Variants in TTC27 observed in about 807,000 individuals in gnomAD.
TTC27 encodes tetratricopeptide repeat domain 27, also known as tetratricopeptide repeat protein 27.
In TTC27, 79 loss-of-function variants were observed where a neutral mutation model predicts 115.9. That is an observed-to-expected ratio of 0.68 (90% confidence interval 0.57 to 0.82). The LOEUF is 0.82. Ranked by LOEUF, TTC27 falls within the 40% of genes least tolerant of loss-of-function variation. TTC27 has a pLI of 0.00. For synonymous variants in TTC27, 401 were observed against 356.0 expected (o/e 1.13, Z -1.42); for missense variants, 1,054 against 993.1 (o/e 1.06, Z -0.82).
rs912308067 is a variant in TTC27 at position 32,685,420 on chromosome 2, T to A, written c.1119+6498T>A. Among the ~76,000 whole-genome samples the A allele has an allele frequency of 4.6e-5, 7 of 152,160 alleles. No individual in the cohort carries two copies. In the South Asian group the frequency reaches 8.3e-4, roughly 18 times the overall value. On this transcript the variant is annotated intron_variant, in intron 9 of 19. Coordinates refer to ENST00000317907, the MANE Select transcript of TTC27 (RefSeq NM_017735.5). ...TTCTACAGTTAACCATGTCTTGAGG[T>A]TAATGCTTATTAGAATTTCCCTTCT...
chr2:32,766,643 C>A, intron 13 of TTC27: 1 of 160,588 alleles, frequency 6.2e-6, no homozygotes, highest in Non-Finnish European at 1.4e-5. Flanking sequence ...ATCACCATAA[C>A]AAATGTAATA....
chr2:32,642,172 T>C (rs1304952790), intron 4 of TTC27, among the ~76,000 whole-genome samples: 1 of 151,782 alleles, frequency 6.6e-6, no homozygotes, highest in Non-Finnish European at 1.5e-5. Flanking sequence ...ATCACAATAT[T>C]TCTATAGGTC....
At chr2:32,727,550 A>C (rs1668151999) in intron 10 of TTC27, among the ~76,000 whole-genome samples, 1 of 152,178 alleles carries the variant, frequency 6.6e-6, no homozygotes, top group South Asian at 2.1e-4. Context: ...AAAGCTACTA[A>C]CATACTCTTT....
intron 12 of TTC27, among the ~76,000 whole-genome samples, chr2:32,755,971 T>C (rs1572581360): frequency 6.6e-6 from 1 of 152,360 alleles, no homozygotes; most frequent in East Asian, 1.9e-4. Flanking sequence ...TAAGTAATTC[T>C]TTCATCATGG....
At chr2:32,724,376 G>C (rs984342110) in intron 10 of TTC27, among the ~76,000 whole-genome samples, 1 of 152,190 alleles carries the variant, frequency 6.6e-6, no homozygotes, top group Non-Finnish European at 1.5e-5. Flanking sequence ...TCCAGAAGCA[G>C]TGGAAGGGCA....
Position 32,745,768 on chromosome 2 carries a change from C to T in TTC27, c.1452+8952C>T, listed in dbSNP as rs1468294117. 2.6e-5 allele frequency among the ~76,000 whole-genome samples: 4 copies of T among 152,236 alleles called. No individual in the cohort carries two copies. The East Asian group carries it at 7.7e-4, about 29-fold the overall frequency. On this transcript the variant is annotated intron_variant, in intron 12 of 19. Transcript: ENST00000317907. ...TAAAGAGTTTAAAGATGTGGAAACA[C>T]TGAGCAGCCAGAGTCTCATGTTGGT...
chr2:32,711,116 C>CAAAAAAAAAAAA (rs34140897), intron 10 of TTC27, among the ~76,000 whole-genome samples: 5 of 59,902 alleles, frequency 8.3e-5, no homozygotes, highest in Non-Finnish European at 9.7e-5. Flanking sequence ...GACTCTGTCT[C>CAAAAAAAAAAAA]AAAAAAAAAA....
chr2:32,678,516 C>T (rs1366965150), intron 8 of TTC27, among the ~76,000 whole-genome samples: 2 of 152,028 alleles, frequency 1.3e-5, no homozygotes, highest in Non-Finnish European at 2.9e-5. Context: ...CAAGCTCCGC[C>T]TCCCGGGTTC....
At position 32,695,598 on chromosome 2, in the gene TTC27, A is replaced by C. The variant is rs537379085; in HGVS notation, c.1120-7209A>C. Among the ~76,000 whole-genome samples the C allele has an allele frequency of 5.3e-5, 8 of 151,946 alleles. No homozygotes were observed. In the South Asian group the frequency reaches 6.2e-4, roughly 12 times the overall value. ...GCCATGCGTGGTGGTGCGTGCCTGC[A>C]GTCCCAGCTACTCGGGAGGCTGAGA... On this transcript the variant is annotated intron_variant, in intron 9 of 19. Coordinates refer to ENST00000317907, the MANE Select transcript of TTC27 (RefSeq NM_017735.5).
chr2:32,631,311 A>C (rs925428533), intron 2 of TTC27, among the ~76,000 whole-genome samples: 2 of 152,164 alleles, frequency 1.3e-5, no homozygotes, highest in South Asian at 2.1e-4. Flanking sequence ...TCAAAAAAAA[A>C]CCAAAAAACA....
intron 10 of TTC27, among the ~76,000 whole-genome samples, chr2:32,713,765 C>CT (rs1300906024): frequency 3.3e-5 from 5 of 151,784 alleles, no homozygotes; most frequent in Non-Finnish European, 7.4e-5. Flanking sequence ...AATATTTGTT[C>CT]TTTTTTTTGA....
intron 16 of TTC27, among the ~76,000 whole-genome samples, chr2:32,804,175 CA>C (rs1482080113): frequency 2.6e-5 from 4 of 151,882 alleles, no homozygotes; most frequent in Admixed American, 2.6e-4. Flanking sequence ...AATAAAATAT[CA>C]AAGATTAAAA....
At chr2:32,649,587 C>T (rs1446914047) in intron 4 of TTC27, among the ~76,000 whole-genome samples, 2 of 151,326 alleles carry the variant, frequency 1.3e-5, no homozygotes, top group African/African-American at 2.4e-5. Context: ...CTGTGTTGCC[C>T]AGGCTAGAGT....
chr2:32,747,209 G>C (rs1299526790), intron 12 of TTC27, among the ~76,000 whole-genome samples: 1 of 152,110 alleles, frequency 6.6e-6, no homozygotes, highest in Non-Finnish European at 1.5e-5. Flanking sequence ...GAAATCCTGA[G>C]TACCCTAGCA....
chr2:32,653,451 G>A (rs1260319070), intron 5 of TTC27, among the ~76,000 whole-genome samples: 8 of 152,020 alleles, frequency 5.3e-5, no homozygotes, highest in Non-Finnish European at 7.4e-5. Context: ...AAAATTAGCC[G>A]GACATTGTGG....
At chr2:32,645,635 G>T (rs1664823124) in intron 4 of TTC27, among the ~76,000 whole-genome samples, 1 of 151,948 alleles carries the variant, frequency 6.6e-6, no homozygotes, top group Non-Finnish European at 1.5e-5. Flanking sequence ...TGCCATGTTG[G>T]TGTGCTGTAC....
intron 4 of TTC27, among the ~76,000 whole-genome samples, chr2:32,646,283 C>T (rs1425041276): frequency 1.3e-5 from 2 of 151,996 alleles, no homozygotes; most frequent in African/African-American, 4.8e-5. Flanking sequence ...CTGCCTTGGC[C>T]TCCCACAGTG....
chr2:32,798,713 A>AATAAT (rs1553321532), intron 16 of TTC27, among the ~76,000 whole-genome samples: 59 of 142,352 alleles, frequency 4.1e-4, no homozygotes, highest in Admixed American at 1.3e-3. Context: ...TCAAAAAAAA[A>AATAAT]AATAATAATA....
intron 9 of TTC27, among the ~76,000 whole-genome samples, chr2:32,692,036 G>GTTTTTTGTTTTTT (rs1666830895): frequency 1.6e-5 from 1 of 61,188 alleles, no homozygotes; most frequent in Non-Finnish European, 2.9e-5. Flanking sequence ...AATTTTTTAG[G>GTTTTTTGTTTTTT]TTTTTTTTTT....
Sources: gnomAD v4.1 joint callset for allele counts (sites outside exome capture counted in the v4.1 genomes callset) on GRCh38, gnomAD v4.1.1 for gene constraint, MANE v1.5 for transcripts, NCBI Gene and HGNC (gene_info 2026-07-23, HGNC 2026-07-21) for gene names.